DST: variants seen among roughly 807,000 people sequenced by gnomAD.
DST encodes bullous pemphigoid antigen.
DST carries 253 observed loss-of-function variants against 875.2 expected under a neutral mutation model. The observed-to-expected ratio is 0.29, with a 90% confidence interval of 0.26 to 0.32. The LOEUF (loss-of-function observed/expected upper bound fraction) is 0.32. Among genes scored for constraint, DST ranks in the 10% least tolerant of loss-of-function variants. The probability of loss-of-function intolerance (pLI) is 1.00; values close to 1 mark genes in which losing one functional copy is unlikely to be tolerated. For missense variants in DST, 8,287 were observed against 9,111.6 expected, an observed-to-expected ratio of 0.91 and a Z score of 3.68; for synonymous variants, 3,124 against 3,197.1, an observed-to-expected ratio of 0.98 and a Z score of 0.77.
chr6:56,705,546 G>C (rs920355687), intron 5 of DST, among the ~76,000 whole-genome samples: 1 of 152,158 alleles, frequency 6.6e-6, no homozygotes, highest in African/African-American at 2.4e-5. Context: ...TATCTTAGTT[G>C]ACTCTCTCTA....
intron 13 of DST, among the ~76,000 whole-genome samples, chr6:56,647,945 CA>C (rs1269337779): frequency 1.3e-5 from 2 of 152,122 alleles, no homozygotes; most frequent in Admixed American, 1.3e-4. Context: ...CTTGGCCTCC[CA>C]AAGTGCTGGG....
chr6:56,539,662 G>A (rs1264168180), intron 61 of DST, among the ~76,000 whole-genome samples: 1 of 152,146 alleles, frequency 6.6e-6, no homozygotes. Context: ...AAAAATTACA[G>A]GCTTGACAAG....
intron 5 of DST, among the ~76,000 whole-genome samples, chr6:56,715,736 G>T (rs183410126): frequency 2.0e-5 from 3 of 152,234 alleles, no homozygotes; most frequent in Admixed American, 6.5e-5. Flanking sequence ...TTACCTAAAA[G>T]ACTTTATCTG....
chr6:56,826,121 G>A (rs2099780193), intron 4 of DST, among the ~76,000 whole-genome samples: 1 of 152,194 alleles, frequency 6.6e-6, no homozygotes, highest in Non-Finnish European at 1.5e-5. Context: ...TCATCCCACT[G>A]TACTTTGCCT....
chr6:56,709,396 C>T lies in DST; in HGVS notation c.688-5027G>A, dbSNP rs541411373. 1.3e-4 allele frequency among the ~76,000 whole-genome samples: 20 copies of T among 152,316 alleles called. No homozygotes were observed. In the South Asian group the frequency reaches 4.1e-3, roughly 32 times the overall value. ...ATGGCTTAACTTATCAAAAATACTA[C>T]ACTGAAAATTTCCTTTTGTTAACCT... On this transcript the variant is annotated intron_variant, in intron 5 of 103. Transcript: ENST00000680361.
Position 56,532,571 on chromosome 6 carries a change from A to G in DST, c.16942-61T>C, listed in dbSNP as rs920552186. 17 of 1,434,466 alleles carry G rather than the reference A, an allele frequency of 1.2e-5. No individual in the cohort carries two copies. In the East Asian group the frequency reaches 1.2e-4, roughly 10 times the overall value. 88.9% of individuals were successfully genotyped at this position (1,434,466 alleles called of 1,614,324 possible). A position where few individuals can be genotyped will look rare whatever the true frequency, so the allele number is the denominator to read the frequency against. ...AATAATTGTATGAATATAAAGTACAATGTATTCTAAGTACATTTGAAGTAT... is the reference window on the plus strand; with the variant it reads ...AATAATTGTATGAATATAAAGTACAGTGTATTCTAAGTACATTTGAAGTAT... On this transcript the variant is annotated intron_variant, in intron 63 of 103. Transcript: ENST00000680361.
In DST at chr6:56,459,036, G is replaced by T; in HGVS notation, c.23426C>A (p.Ala7809Asp). 4 of 1,612,400 alleles carry T rather than the reference G, an allele frequency of 2.5e-6. No homozygotes were observed. Among genetic ancestry groups the T allele is most frequent in the Non-Finnish European group, 2.5e-6 (3 of 1,178,644 alleles). ...CTTTGAGGACTTGTCCAATTTGCTGGCAGGTGATTTCCTCTGGGGCGTGGG... is the reference window on the plus strand; with the variant it reads ...CTTTGAGGACTTGTCCAATTTGCTGTCAGGTGATTTCCTCTGGGGCGTGGG... ...KIPTPQRKSP[A>D]SKLDKSSKR The change falls in exon 104 of 104, where the codon GCC becomes GAC. Residue 7809 changes from alanine (A) to aspartate (D), a missense_variant. Transcript: ENST00000680361.
chr6:56,507,644 A>ACTGAC (rs1250163599), intron 75 of DST, among the ~76,000 whole-genome samples: 1 of 152,228 alleles, frequency 6.6e-6, no homozygotes, highest in African/African-American at 2.4e-5. Flanking sequence ...GCGCAAAGGC[A>ACTGAC]CTGACGCTAG....
chr6:56,650,847 C>CA (rs1338045265), intron 12 of DST, 79 bp downstream of exon 12: 1 of 880,498 alleles, frequency 1.1e-6, no homozygotes, highest in African/African-American at 1.7e-5. Context: ...TCAAAAACTG[C>CA]AAAAATCATT....
chr6:56,808,488 T>C (rs539220029), intron 4 of DST, among the ~76,000 whole-genome samples: 10 of 152,326 alleles, frequency 6.6e-5, no homozygotes, highest in African/African-American at 2.4e-4. Context: ...TCTTATTTTT[T>C]AAATCATGGA....
At chr6:56,732,161 C>T (rs958630635) in intron 5 of DST, among the ~76,000 whole-genome samples, 11 of 152,026 alleles carry the variant, frequency 7.2e-5, no homozygotes, top group Non-Finnish European at 4.4e-5. Context: ...AAGTGGAGAT[C>T]GAAAAGGACC....
chr6:56,625,608 CA>C (rs1339409858), intron 34 of DST, among the ~76,000 whole-genome samples: 1 of 151,870 alleles, frequency 6.6e-6, no homozygotes, highest in Non-Finnish European at 1.5e-5. Flanking sequence ...TGCTGCCCGT[CA>C]CACAAAAGTA....
chr6:56,602,488 C>G (rs994399579), intron 43 of DST, among the ~76,000 whole-genome samples: 12 of 151,930 alleles, frequency 7.9e-5, no homozygotes, highest in African/African-American at 2.9e-4. Context: ...AACACAAAAT[C>G]ACCTAACAAT....
chr6:56,891,733 C>CA (rs151178252), intron 3 of DST, among the ~76,000 whole-genome samples: 6,638 of 149,198 alleles, frequency 0.044, 440 homozygotes, highest in African/African-American at 0.15. Flanking sequence ...AACCCTGTCT[C>CA]AAAAAAAAGA....
chr6:56,485,572 G>C, intron 87 of DST, 101 bp from the exon 88 acceptor site: 1 of 1,132,810 alleles, frequency 8.8e-7, no homozygotes, highest in Non-Finnish European at 1.3e-6. Flanking sequence ...GTACTCAAGG[G>C]GAAGAGCAGT....
intron 61 of DST, among the ~76,000 whole-genome samples, chr6:56,550,924 C>G (rs923903954): frequency 1.3e-5 from 2 of 152,132 alleles, no homozygotes; most frequent in East Asian, 3.9e-4. Flanking sequence ...AGGATTCTCT[C>G]ACGTGAAATC....
At chr6:56,644,883 T>C (rs113815512) in intron 15 of DST, among the ~76,000 whole-genome samples, 9,339 of 152,148 alleles carry the variant, frequency 0.061, 908 homozygotes, top group African/African-American at 0.21. Context: ...ATGTGTCAAG[T>C]GTGGGGCCAG....
chr6:56,515,662 G>T lies in DST; in HGVS notation c.18364C>A (p.Leu6122Met). ...EEEKQSMKKKLDKVLKNYDTI... is the reference protein window; with the variant it reads ...EEEKQSMKKKMDKVLKNYDTI... The stretch of plus-strand genomic sequence containing the variant: ...TCATAGTTCTTCAGTACCTTGTCCA[G>T]TTTTTTCTAGAAAATAAAAGGATGA... The change falls in exon 72 of 104, where the codon CTG (leucine) becomes ATG (methionine). Residue 6122 changes from leucine to methionine, a missense_variant. Physicochemically the swap from Leu to Met is conservative, Grantham distance 15. Around this residue, in one of 10 missense-constraint regions of DST, gnomAD observed 1,292 missense variants for 1,552.7 expected, o/e 0.83. Transcript: ENST00000680361. 6.3e-7 allele frequency: 1 copy of T among 1,593,316 alleles called. No homozygotes were observed. The highest frequency in any genetic ancestry group is 1.1e-5 in the South Asian group (1 of 88,706).
At chr6:56,577,388 G>C (rs2097888352) in intron 50 of DST, among the ~76,000 whole-genome samples, 1 of 152,164 alleles carries the variant, frequency 6.6e-6, no homozygotes, top group South Asian at 2.1e-4. Flanking sequence ...CAAAATGTTA[G>C]AACTTCCATT....
Sources: gnomAD v4.1 joint callset for allele counts (sites outside exome capture counted in the v4.1 genomes callset) on GRCh38, gnomAD v4.1.1 for gene constraint, gnomAD v4.1.1 regional missense constraint, MANE v1.5 for transcripts, NCBI Gene and HGNC (gene_info 2026-07-23, HGNC 2026-07-21) for gene names.